MS4A18: variants seen among roughly 807,000 people sequenced by gnomAD.
MS4A18 encodes membrane-spanning 4-domains subfamily A member 18.
A neutral mutation model predicts 13.1 loss-of-function variants in MS4A18; 27 were observed. The ratio of observed to expected loss-of-function variants is 2.06; its 90% confidence interval spans 1.52 to 2.84. The LOEUF is 2.84. Among genes scored for constraint, MS4A18 ranks in the 30% most tolerant of loss-of-function variants. The pLI, the probability that MS4A18 is intolerant of heterozygous loss-of-function variation, is 0.00. For synonymous variants in MS4A18, 126 were observed against 76.5 expected, an observed-to-expected ratio of 1.65 and a Z score of -3.38; for missense variants, 307 against 196.4, an observed-to-expected ratio of 1.56 and a Z score of -3.37.
At chr11:60,728,985 T>C (rs908337788), upstream of MS4A18, among the ~76,000 whole-genome samples, 7 of 151,948 alleles carry the variant, frequency 4.6e-5, no homozygotes, top group African/African-American at 1.7e-4. Context: ...GATGGGGAGG[T>C]AGCCTGTGCC....
chr11:60,730,237 G>C (rs989189545), intron 1 of MS4A18, among the ~76,000 whole-genome samples: 1 of 152,190 alleles, frequency 6.6e-6, no homozygotes, highest in Non-Finnish European at 1.5e-5. Flanking sequence ...CAGCTCCAAG[G>C]TTTTGTGATT....
chr11:60,728,868 G>A (rs1411618508), upstream of MS4A18, among the ~76,000 whole-genome samples: 4 of 152,100 alleles, frequency 2.6e-5, no homozygotes, highest in East Asian at 1.9e-4. Flanking sequence ...CCATCCCACA[G>A]TAGTCCTTGG....
chr11:60,730,556 T>C (rs534169017), intron 1 of MS4A18, among the ~76,000 whole-genome samples: 20 of 152,334 alleles, frequency 1.3e-4, no homozygotes, highest in East Asian at 1.2e-3. Flanking sequence ...CTTCTGGCAA[T>C]TGCCATGAGA....
At chr11:60,728,499 C>G (rs1340428018), upstream of MS4A18, among the ~76,000 whole-genome samples, 2 of 149,090 alleles carry the variant, frequency 1.3e-5, no homozygotes, top group Admixed American at 6.7e-5. Flanking sequence ...CCTTCCCTCT[C>G]TCTGTGTGTG....
Position 60,731,818 on chromosome 11 carries a change from G to A in MS4A18, c.478-1716G>A, listed in dbSNP as rs75719111. On this transcript the variant is annotated intron_variant, in intron 1 of 5. Coordinates refer to ENST00000529108, the Ensembl canonical transcript of MS4A18. ...CTGTTTAGAAATCACTCGAAAAACCGTTTTTATCATTTATTTTCACAATGA... is the reference window on the plus strand; with the variant it reads ...CTGTTTAGAAATCACTCGAAAAACCATTTTTATCATTTATTTTCACAATGA... Among the ~76,000 whole-genome samples the A allele has an allele frequency of 9.7e-3, 1,474 of 152,240 alleles. 16 individuals are homozygous for A. Among genetic ancestry groups the A allele is most frequent in the East Asian group, 0.053 (276 of 5,182 alleles).
chr11:60,735,396 C>T (rs1340533415), intron 2 of MS4A18, among the ~76,000 whole-genome samples: 2 of 150,112 alleles, frequency 1.3e-5, no homozygotes, highest in Non-Finnish European at 3.0e-5. Flanking sequence ...TGCAGTGGCG[C>T]CATCTCGGCT....
chr11:60,726,666 G>A (rs1485932529), upstream of MS4A18, among the ~76,000 whole-genome samples: 1 of 151,846 alleles, frequency 6.6e-6, no homozygotes, highest in Non-Finnish European at 1.5e-5. Flanking sequence ...GGGTCAATTA[G>A]GAAAAATATT....
chr11:60,725,049 T>C (rs1377746238), upstream of MS4A18, among the ~76,000 whole-genome samples: 1 of 152,178 alleles, frequency 6.6e-6, no homozygotes, highest in Non-Finnish European at 1.5e-5. Flanking sequence ...GACACAGCAA[T>C]CTTAAGATAG....
At chr11:60,729,858 A>T (rs766082818) in intron 1 of MS4A18, 72 bp downstream of exon 2, 51 of 638,102 alleles carry the variant, frequency 8.0e-5, no homozygotes, top group Non-Finnish European at 1.4e-4. Flanking sequence ...TGGGATGAGG[A>T]AGGGAATGTG....
chr11:60,730,965 G>A (rs1415592323), intron 1 of MS4A18, among the ~76,000 whole-genome samples: 2 of 152,246 alleles, frequency 1.3e-5, no homozygotes, highest in East Asian at 3.9e-4. Context: ...GTGGTGGCGG[G>A]TGCCTGTAGT....
At chr11:60,733,291 T>C (rs999846723) in intron 1 of MS4A18, among the ~76,000 whole-genome samples, 3 of 152,220 alleles carry the variant, frequency 2.0e-5, no homozygotes, top group Admixed American at 2.0e-4. Flanking sequence ...TAGGCTGTCT[T>C]ACCTTTCCTT....
intron 5 of MS4A18, among the ~76,000 whole-genome samples, chr11:60,742,247 C>G (rs1192627065): frequency 6.6e-6 from 1 of 152,162 alleles, no homozygotes; most frequent in African/African-American, 2.4e-5. Flanking sequence ...AACATGTTTT[C>G]TTTTTTCATA....
downstream of MS4A18, chr11:60,744,308 G>A (rs117771834): frequency 0.021 from 6,464 of 300,772 alleles, 126 homozygotes; most frequent in Non-Finnish European, 0.027. Context: ...GTTCTAAATC[G>A]GTGCCTCAGC....
chr11:60,730,262 G>A (rs560473041), intron 1 of MS4A18, among the ~76,000 whole-genome samples: 1 of 152,220 alleles, frequency 6.6e-6, no homozygotes, highest in South Asian at 2.1e-4. Flanking sequence ...TTTCAATCAA[G>A]GGGGCCTCTG....
intron 2 of MS4A18, among the ~76,000 whole-genome samples, chr11:60,734,764 A>G (rs1565060008): frequency 1.4e-5 from 2 of 148,090 alleles, no homozygotes; most frequent in African/African-American, 5.0e-5. Flanking sequence ...AACAATATGA[A>G]TTTTCTTTTC....
Position 60,741,029 on chromosome 11 carries a change from G to A in MS4A18, c.745-1G>A. The A allele has an allele frequency of 1.4e-6, 1 of 703,018 alleles. No homozygotes were observed. The highest frequency in any genetic ancestry group is 2.6e-6 in the Non-Finnish European group (1 of 385,000). 43.5% of individuals were successfully genotyped at this position (703,018 alleles called of 1,614,324 possible). On this transcript the variant is annotated splice_acceptor_variant, in intron 4 of 5. Coordinates refer to ENST00000529108, the Ensembl canonical transcript of MS4A18. LOFTEE classifies it high-confidence loss of function. The stretch of plus-strand genomic sequence containing the variant: ...TGCCTTCCATTTCTCTTTGCCTTTA[G>A]ACATATTCAAAGGCGGTTTCTGGCG...
chr11:60,743,333 A>C (rs1853434472), intron 5 of MS4A18, among the ~76,000 whole-genome samples: 1 of 152,178 alleles, frequency 6.6e-6, no homozygotes, highest in Admixed American at 6.5e-5. Context: ...GCAGTCCCAC[A>C]TGGGTGTCTG....
At chr11:60,731,600 A>G (rs143991591) in intron 1 of MS4A18, among the ~76,000 whole-genome samples, 8 of 152,330 alleles carry the variant, frequency 5.3e-5, no homozygotes, top group Non-Finnish European at 8.8e-5. Flanking sequence ...ACATCATTCT[A>G]TTTATAGCAT....
At chr11:60,744,021 G>A in exon 6 of MS4A18, 4 of 689,750 alleles carry the variant, frequency 5.8e-6, no homozygotes, top group South Asian at 3.1e-5. Flanking sequence ...TAGATGACAT[G>A]GGATGCCTGT....
Sources: gnomAD v4.1 joint callset for allele counts (sites outside exome capture counted in the v4.1 genomes callset) on GRCh38, gnomAD v4.1.1 for gene constraint, MANE v1.5 for transcripts, NCBI Gene and HGNC (gene_info 2026-07-23, HGNC 2026-07-21) for gene names.